The following ATF7 variants were observed in gnomAD, a reference collection of about 807,000 sequenced individuals.
ATF7 encodes the protein cyclic AMP-dependent transcription factor ATF-7.
A neutral mutation model predicts 50.4 loss-of-function variants in ATF7; 10 were observed. The observed-to-expected ratio is 0.20, with a 90% CI of 0.12 to 0.34. The LOEUF (loss-of-function observed/expected upper bound fraction) is 0.34. Ranked by LOEUF, ATF7 falls within the 10% of genes least tolerant of loss-of-function variation. ATF7 has a pLI of 1.00. For synonymous variants in ATF7, 201 were observed against 226.4 expected (o/e 0.89, Z 1.01); for missense variants, 465 against 613.9 (o/e 0.76, Z 2.56).
intron 2 of ATF7, among the ~76,000 whole-genome samples, chr12:53,597,592 G>A (rs1943218238): frequency 1.3e-5 from 2 of 152,078 alleles, no homozygotes. Context: ...GGAGGACCAC[G>A]AGGTCAGGAG....
At chr12:53,572,787 A>ATT (rs549270407) in intron 2 of ATF7, among the ~76,000 whole-genome samples, 11 of 142,478 alleles carry the variant, frequency 7.7e-5, no homozygotes, top group Non-Finnish European at 9.3e-5. Flanking sequence ...CCTCTATTTA[A>ATT]TTTTTTTTTT....
chr12:53,534,304 T>C (rs1335393399), intron 6 of ATF7, among the ~76,000 whole-genome samples, 198 bp downstream of exon 6: 1 of 151,910 alleles, frequency 6.6e-6, no homozygotes, highest in Non-Finnish European at 1.5e-5. Context: ...ACAAAAAGTA[T>C]TACCTCCAAA....
intron 1 of ATF7, among the ~76,000 whole-genome samples, chr12:53,615,565 T>A (rs1229900727): frequency 2.6e-5 from 4 of 152,006 alleles, no homozygotes; most frequent in Non-Finnish European, 4.4e-5. Flanking sequence ...ATTCAACAAA[T>A]CATCCTGATT....
intron 2 of ATF7, among the ~76,000 whole-genome samples, chr12:53,566,193 A>G (rs1408068320): frequency 6.6e-6 from 1 of 152,226 alleles, no homozygotes; most frequent in East Asian, 1.9e-4. Flanking sequence ...GGATACAGCC[A>G]AAGTATATCA....
At chr12:53,549,429 G>A (rs1174813486) in intron 3 of ATF7, among the ~76,000 whole-genome samples, 1 of 150,098 alleles carries the variant, frequency 6.7e-6, no homozygotes, top group African/African-American at 2.5e-5. Context: ...TCAAGACAGA[G>A]TTTTGCTCTT....
intron 2 of ATF7, among the ~76,000 whole-genome samples, chr12:53,580,520 T>A (rs1009096347): frequency 1.7e-4 from 25 of 150,340 alleles, no homozygotes; most frequent in African/African-American, 5.6e-4. Flanking sequence ...AAAAATTAGC[T>A]GGGCGTGGTG....
At chr12:53,587,366 C>CAA (rs55904354) in intron 2 of ATF7, among the ~76,000 whole-genome samples, 3,529 of 62,258 alleles carry the variant, frequency 0.057, 324 homozygotes, top group African/African-American at 0.17. Flanking sequence ...AATTCCGCAT[C>CAA]AAAAAAAAAA....
At chr12:53,525,829 A>C (rs1308665920) in intron 9 of ATF7, among the ~76,000 whole-genome samples, 1 of 152,204 alleles carries the variant, frequency 6.6e-6, no homozygotes, top group Non-Finnish European at 1.5e-5. Context: ...TAAAATGTAG[A>C]AAGGTCAACC....
At chr12:53,581,882 G>A (rs1217372793) in intron 2 of ATF7, among the ~76,000 whole-genome samples, 1 of 151,702 alleles carries the variant, frequency 6.6e-6, no homozygotes, top group African/African-American at 2.4e-5. Context: ...CGGCACTTTG[G>A]GAGGCTAAAG....
rs1050459031 is a variant in ATF7, at chr12:53,524,253, T to C, written c.1125+311A>G. On this transcript the variant is annotated intron_variant, in intron 10 of 11. Coordinates refer to ENST00000420353, the MANE Select transcript of ATF7 (RefSeq NM_006856.3). The surrounding 1 kb of genome is among the most constrained non-coding windows in gnomAD (Gnocchi z 4.6). ...TATCTAGGGCAAACACATTTCCCTT[T>C]TGGTTTTCATGACCCCAGTCAGATT... Among the ~76,000 whole-genome samples the C allele has an allele frequency of 2.6e-5, 4 of 152,220 alleles. No individual in the cohort carries two copies. Among genetic ancestry groups the C allele is most frequent in the African/African-American group, 9.6e-5 (4 of 41,466 alleles).
intron 2 of ATF7, among the ~76,000 whole-genome samples, chr12:53,553,801 A>G (rs1358388624): frequency 6.6e-6 from 1 of 152,160 alleles, no homozygotes; most frequent in Non-Finnish European, 1.5e-5. Flanking sequence ...TACTTTCTTC[A>G]TCACGTGTAT....
chr12:53,550,161 A>G (rs536276912), intron 3 of ATF7, among the ~76,000 whole-genome samples: 1 of 151,814 alleles, frequency 6.6e-6, no homozygotes, highest in South Asian at 2.1e-4. Context: ...CGTCTCTACT[A>G]AAAATACAAA....
At chr12:53,570,096 A>G (rs935884609) in intron 2 of ATF7, among the ~76,000 whole-genome samples, 3 of 152,206 alleles carry the variant, frequency 2.0e-5, no homozygotes, top group African/African-American at 7.2e-5. Context: ...AAGGTTAGAG[A>G]TACCAGGCAG....
chr12:53,544,163 C>T lies in ATF7; in HGVS notation c.146-715G>A, dbSNP rs116303972. ...ATTTAGATTTGCCAGCCAAAATATG[C>T]CCACAGGGGCTGCACGAGTCTCTCC... is the stretch of plus-strand genomic sequence containing the variant. On this transcript the variant is annotated intron_variant, in intron 3 of 11. Coordinates refer to ENST00000420353, the MANE Select transcript of ATF7 (RefSeq NM_006856.3). 7.3e-4 allele frequency among the ~76,000 whole-genome samples: 111 copies of T among 152,312 alleles called. 1 individual carries two copies. The highest frequency in any genetic ancestry group is 2.5e-3 in the African/African-American group (104 of 41,572).
intron 2 of ATF7, among the ~76,000 whole-genome samples, chr12:53,585,017 G>A (rs1237327269): frequency 6.6e-6 from 1 of 152,164 alleles, no homozygotes; most frequent in Non-Finnish European, 1.5e-5. Context: ...CTGTTGCCCA[G>A]GCTGGTGTGC....
chr12:53,525,669 C>G (rs1386789389), intron 9 of ATF7, among the ~76,000 whole-genome samples: 1 of 152,122 alleles, frequency 6.6e-6, no homozygotes, highest in Non-Finnish European at 1.5e-5. Context: ...TGTTTAATCC[C>G]TTTACAAATT....
At chr12:53,529,155 T>C (rs768789847) in intron 9 of ATF7, among the ~76,000 whole-genome samples, 30 of 151,994 alleles carry the variant, frequency 2.0e-4, no homozygotes, top group Admixed American at 6.5e-5. Context: ...CAGTAACTCA[T>C]GACCAGCCTG....
chr12:53,593,245 T>C (rs569983805), intron 2 of ATF7, among the ~76,000 whole-genome samples: 12 of 152,024 alleles, frequency 7.9e-5, no homozygotes, highest in Admixed American at 2.0e-4. Flanking sequence ...TCTCTAAAAA[T>C]AAAAACATAA....
intron 2 of ATF7, among the ~76,000 whole-genome samples, chr12:53,579,823 T>C (rs183814815): frequency 1.8e-4 from 28 of 152,036 alleles, no homozygotes; most frequent in African/African-American, 6.5e-4. Context: ...GAGATGCACA[T>C]GACAAATTGT....
Sources: gnomAD v4.1 joint callset for allele counts (sites outside exome capture counted in the v4.1 genomes callset) on GRCh38, gnomAD v4.1.1 for gene constraint, Gnocchi (gnomAD v3.1) non-coding constraint, MANE v1.5 for transcripts, NCBI Gene and HGNC (gene_info 2026-07-23, HGNC 2026-07-21) for gene names.